Variants in PXK observed in about 807,000 individuals in gnomAD.
The protein encoded by PXK is PX domain containing serine/threonine kinase like.
Under a neutral mutation model 84.7 loss-of-function variants are expected in PXK, and 35 were observed. The observed-to-expected ratio is 0.41, with a 90% CI of 0.32 to 0.55. The LOEUF (loss-of-function observed/expected upper bound fraction) is 0.55, where lower values mean the gene tolerates loss of function less well. Among genes scored for constraint, PXK ranks in the 20% least tolerant of loss-of-function variants. PXK has a pLI of 0.21. For missense variants in PXK, 634 were observed against 699.7 expected (o/e 0.91, Z 1.06); for synonymous variants, 253 against 260.8 (o/e 0.97, Z 0.29).
rs1242553237 is a variant in PXK, at chr3:58,382,837, T to C, written c.388+137T>C. On this transcript the variant is annotated intron_variant, in intron 4 of 17. Transcript: ENST00000356151. ...TTGTTATAGCATATTATGAATTTAC[T>C]AAGATTTTCTTGATTGTAGTTTACT... 4.9e-6 allele frequency: 3 copies of C among 613,368 alleles called. No homozygotes were observed. The African/African-American group carries it at 5.7e-5, about 12-fold the overall frequency. The allele number at this position is 613,368 out of a possible 1,614,324, so 38.0% of individuals were successfully genotyped here.
intron 3 of PXK, among the ~76,000 whole-genome samples, chr3:58,377,592 C>A (rs536288870): frequency 1.3e-5 from 2 of 148,218 alleles, no homozygotes; most frequent in East Asian, 1.9e-4. Flanking sequence ...CATAGTGAGA[C>A]CCTATCTCTT....
intron 17 of PXK, among the ~76,000 whole-genome samples, chr3:58,418,203 T>C (rs995641091): frequency 6.6e-6 from 1 of 152,200 alleles, no homozygotes; most frequent in Non-Finnish European, 1.5e-5. Context: ...AAAATAATTA[T>C]ATGTAATATA....
Position 58,333,452 on chromosome 3 carries a change from A to T in PXK, c.102+362A>T. Reference sequence around the variant, plus strand: ...GGAACGAGACCGCTCAGGACCATCCACTTCTGCCCGCCGCCAGCCTTTTCC... The same window carrying T: ...GGAACGAGACCGCTCAGGACCATCCTCTTCTGCCCGCCGCCAGCCTTTTCC... On this transcript the variant is annotated intron_variant, in intron 1 of 17. Transcript: ENST00000356151. This position sits in a 1 kb window ranked among gnomAD's most constrained non-coding sequence, Gnocchi z 5.4. The T allele has an allele frequency of 2.3e-6, 1 of 441,986 alleles. No individual in the cohort carries two copies. The allele number at this position is 441,986 out of a possible 1,614,324, so 27.4% of individuals were successfully genotyped here.
intron 1 of PXK, among the ~76,000 whole-genome samples, chr3:58,336,071 ATTTT>A (rs1171021563): frequency 0.017 from 898 of 51,344 alleles, 32 homozygotes; most frequent in African/African-American, 0.075. Flanking sequence ...ATATATATAT[ATTTT>A]TTTTTTTTTT....
chr3:58,375,195 A>T (rs2098428137), intron 3 of PXK, among the ~76,000 whole-genome samples: 1 of 151,820 alleles, frequency 6.6e-6, no homozygotes, highest in Admixed American at 6.6e-5. Context: ...GTCAGATGTG[A>T]CTCCTTTCTG....
In PXK at chr3:58,363,510, C is replaced by T. The variant is rs145693586; in HGVS notation, c.103-2364C>T. On this transcript the variant is annotated intron_variant, in intron 1 of 17. Coordinates refer to ENST00000356151, the MANE Select transcript of PXK (RefSeq NM_017771.5). ...GCTAATTTTTTTATTTTTGTAGAGACGAGGTCTTGCTGTTTTGCCTGGGCT... is the reference window on the plus strand; with the variant it reads ...GCTAATTTTTTTATTTTTGTAGAGATGAGGTCTTGCTGTTTTGCCTGGGCT... Among the ~76,000 whole-genome samples the T allele has an allele frequency of 5.3e-3, 813 of 152,104 alleles. 4 individuals carry two copies. The highest frequency in any genetic ancestry group is 0.01 in the Middle Eastern group (3 of 292).
chr3:58,409,761 C>A lies in PXK; in HGVS notation c.1395+143C>A. 1 of 618,944 alleles carries A rather than the reference C, an allele frequency of 1.6e-6. No homozygotes were observed. The highest frequency in any genetic ancestry group is 2.5e-6 in the Non-Finnish European group (1 of 398,540). The allele number at this position is 618,944 out of a possible 1,614,324, so 38.3% of individuals were successfully genotyped here. On this transcript the variant is annotated intron_variant, in intron 15 of 17. Coordinates refer to ENST00000356151, the MANE Select transcript of PXK (RefSeq NM_017771.5). The surrounding 1 kb of genome is among the most constrained non-coding windows in gnomAD (Gnocchi z 4.2). ...AGACTATTTCCAGATGACTGGGGTGCAGTTTTTTTGGGGAAAAAAAAAGAG... is the reference window on the plus strand; with the variant it reads ...AGACTATTTCCAGATGACTGGGGTGAAGTTTTTTTGGGGAAAAAAAAAGAG...
At chr3:58,382,406 TA>T in intron 3 of PXK, 107 bp from the exon 4 acceptor site, 1 of 941,694 alleles carries the variant, frequency 1.1e-6, no homozygotes, top group Non-Finnish European at 1.5e-6. Flanking sequence ...AGGATGCATC[TA>T]AAATCTGCAT....
chr3:58,367,625 A>G (rs1267641475), intron 2 of PXK, among the ~76,000 whole-genome samples: 1 of 152,166 alleles, frequency 6.6e-6, no homozygotes, highest in African/African-American at 2.4e-5. Context: ...TTTATGCTTG[A>G]TTTGATGAAG....
chr3:58,352,354 C>T (rs2097948562), intron 1 of PXK, among the ~76,000 whole-genome samples: 1 of 152,188 alleles, frequency 6.6e-6, no homozygotes, highest in Admixed American at 6.5e-5. Context: ...CTGGCCACCT[C>T]AGATACCAGA....
In PXK at chr3:58,397,832, C is replaced by T; in HGVS notation, c.1102+110C>T. ...AGAGGAAGTTGCTGTCCTCCACAGC[C>T]AGAAATTCTTACAAAATTTAAAAGT... is the stretch of plus-strand genomic sequence containing the variant. On this transcript the variant is annotated intron_variant, in intron 11 of 17. Coordinates refer to ENST00000356151, the MANE Select transcript of PXK (RefSeq NM_017771.5). The surrounding 1 kb of genome is among the most constrained non-coding windows in gnomAD (Gnocchi z 4.7). 1.3e-6 allele frequency: 1 copy of T among 794,472 alleles called. No homozygotes were observed. The highest frequency in any genetic ancestry group is 1.7e-5 in the African/African-American group (1 of 58,360). The allele number at this position is 794,472 out of a possible 1,614,324, so 49.2% of individuals were successfully genotyped here.
At chr3:58,393,931 T>C (rs901844168) in intron 7 of PXK, among the ~76,000 whole-genome samples, 4 of 152,220 alleles carry the variant, frequency 2.6e-5, no homozygotes, top group African/African-American at 9.6e-5. Flanking sequence ...ATTCTACCCA[T>C]TGTGTTTCTT....
At chr3:58,417,038 G>A (rs1576808714) in intron 17 of PXK, among the ~76,000 whole-genome samples, 1 of 152,322 alleles carries the variant, frequency 6.6e-6, no homozygotes, top group African/African-American at 2.4e-5. Context: ...CTGAGAGGCT[G>A]GGACTATAGG....
chr3:58,338,421 G>A (rs1016699913), intron 1 of PXK, among the ~76,000 whole-genome samples: 4 of 151,456 alleles, frequency 2.6e-5, no homozygotes, highest in Middle Eastern at 3.2e-3. Context: ...TCAGAAGTTC[G>A]AGAACAGCCT....
chr3:58,333,169 C>A lies in PXK; in HGVS notation c.102+79C>A. 3.5e-6 allele frequency: 3 copies of A among 853,706 alleles called. No individual in the cohort carries two copies. In the South Asian group the frequency reaches 1.6e-4, roughly 44 times the overall value. 52.9% of individuals were successfully genotyped at this position (853,706 alleles called of 1,614,324 possible). A position where few individuals can be genotyped will look rare whatever the true frequency, so the allele number is the denominator to read the frequency against. Reference sequence around the variant, plus strand: ...GGGCTGCGGGCTGCCTGGCGCGGGCCGGGCAGGGTCGTCGGACGGAGACCG... The same window carrying A: ...GGGCTGCGGGCTGCCTGGCGCGGGCAGGGCAGGGTCGTCGGACGGAGACCG... On this transcript the variant is annotated intron_variant, in intron 1 of 17. Transcript: ENST00000356151. This position sits in a 1 kb window ranked among gnomAD's most constrained non-coding sequence, Gnocchi z 5.4.
At chr3:58,420,531 T>TAA (rs2107781112) in intron 17 of PXK, 2 of 1,535,988 alleles carry the variant, frequency 1.3e-6, no homozygotes, top group East Asian at 4.9e-5. Flanking sequence ...CTTTGCTGTT[T>TAA]TCAGTAGAGC....
intron 17 of PXK, among the ~76,000 whole-genome samples, chr3:58,419,935 G>A (rs2061563978): frequency 1.3e-5 from 2 of 152,186 alleles, no homozygotes; most frequent in African/African-American, 4.8e-5. Flanking sequence ...GCCCAATTCA[G>A]CCTCTAGGGA....
At position 58,403,849 on chromosome 3, in the gene PXK, C is replaced by CT; in HGVS notation, c.1182-9dup. ...GTTCAAGAAAGATTTTTGTTTGTTT[C>CT]TTTTCTTTACAGATTATTCAGCGAT... On this transcript the variant is annotated splice_polypyrimidine_tract_variant and intron_variant, in intron 12 of 17. Coordinates refer to ENST00000356151, the MANE Select transcript of PXK (RefSeq NM_017771.5). 1 of 1,521,974 alleles carries CT rather than the reference C, an allele frequency of 6.6e-7. No homozygotes were observed. The highest frequency in any genetic ancestry group is 8.9e-7 in the Non-Finnish European group (1 of 1,121,622). 94.3% of individuals were successfully genotyped at this position (1,521,974 alleles called of 1,614,324 possible). A position where few individuals can be genotyped will look rare whatever the true frequency, so the allele number is the denominator to read the frequency against.
chr3:58,395,293 T>C (rs2057468751), intron 8 of PXK, among the ~76,000 whole-genome samples, 191 bp downstream of exon 8: 1 of 152,254 alleles, frequency 6.6e-6, no homozygotes, highest in Non-Finnish European at 1.5e-5. Flanking sequence ...CCTTTTCCCA[T>C]GTGAGGAAAG....
Sources: allele counts gnomAD v4.1 joint callset (sites outside exome capture counted in the v4.1 genomes callset), GRCh38; gene constraint gnomAD v4.1.1; non-coding constraint Gnocchi (gnomAD v3.1); transcripts MANE v1.5; gene names NCBI Gene and HGNC (gene_info 2026-07-23, HGNC 2026-07-21).